ABCA1: variants seen among roughly 807,000 people sequenced by gnomAD.
The protein encoded by ABCA1 is phospholipid-transporting ATPase ABCA1.
A neutral mutation model predicts 262.5 loss-of-function variants in ABCA1; 133 were observed. That is an observed-to-expected ratio of 0.51 (90% CI 0.44 to 0.59). The LOEUF is 0.59. Among genes scored for constraint, ABCA1 ranks in the 20% least tolerant of loss-of-function variants. ABCA1 has a pLI of 0.00. For missense variants in ABCA1, 2,452 were observed against 2,777.5 expected, an observed-to-expected ratio of 0.88 and a Z score of 2.63; for synonymous variants, 1,022 against 1,043.5, an observed-to-expected ratio of 0.98 and a Z score of 0.40.
chr9:104,837,182 C>A (rs373155278), intron 10 of ABCA1, 86 bp from the exon 11 acceptor site: 3 of 1,188,806 alleles, frequency 2.5e-6, no homozygotes, highest in Non-Finnish European at 1.2e-6. Flanking sequence ...GAAAAGATAC[C>A]CCATCACAGC....
At chr9:104,828,737 T>C (rs1221375033) in intron 15 of ABCA1, among the ~76,000 whole-genome samples, 179 bp downstream of exon 15, 2 of 152,174 alleles carry the variant, frequency 1.3e-5, no homozygotes, top group Non-Finnish European at 2.9e-5. Context: ...CTTGGGCAAG[T>C]CACTGCCCCT....
rs941838350 is a variant in ABCA1, at chr9:104,828,131, T to C, written c.2115+785A>G. On this transcript the variant is annotated intron_variant, in intron 15 of 49. Coordinates refer to ENST00000374736, the MANE Select transcript of ABCA1 (RefSeq NM_005502.4). Reference sequence around the variant, plus strand: ...AAAACTGCACTGCCCAGAGTCCCCATTCAGGGAAGCCTTGTTGCCCAGCTG... The same window carrying C: ...AAAACTGCACTGCCCAGAGTCCCCACTCAGGGAAGCCTTGTTGCCCAGCTG... Among the ~76,000 whole-genome samples, 7 of 152,316 alleles carry C rather than the reference T, an allele frequency of 4.6e-5. No homozygotes were observed. In the East Asian group the frequency reaches 5.8e-4, roughly 13 times the overall value.
intron 19 of ABCA1, among the ~76,000 whole-genome samples, chr9:104,822,168 G>C (rs562899301): frequency 2.4e-4 from 37 of 152,292 alleles, no homozygotes; most frequent in African/African-American, 8.7e-4. Flanking sequence ...TCTGCTTAGA[G>C]ACAGAGTTCC....
chr9:104,819,976 A>T lies in ABCA1; in HGVS notation c.3054T>A (p.Asp1018Glu), dbSNP rs148278338. 9 of 1,614,072 alleles carry T rather than the reference A, an allele frequency of 5.6e-6. No individual in the cohort carries two copies. The highest frequency in any genetic ancestry group is 7.6e-6 in the Non-Finnish European group (9 of 1,180,024). Residue 1018 changes from aspartate to glutamate, a missense_variant, in exon 21 of 50, where the codon GAT becomes GAA. Asp to Glu is a conservative substitution (Grantham distance 45, BLOSUM62 2). Coordinates refer to ENST00000374736, the MANE Select transcript of ABCA1 (RefSeq NM_005502.4). ...TCAGCTTGCTTGATGGCAAACCAAC[A>T]TCCAGGGCCATCTGCTCCATCTCCG... is the stretch of plus-strand genomic sequence containing the variant. ...VKAEMEQMAL[D>E]VGLPSSKLKS...
chr9:104,803,400 T>G, intron 32 of ABCA1, 84 bp from the exon 33 acceptor site: 9 of 1,323,066 alleles, frequency 6.8e-6, no homozygotes, highest in South Asian at 1.2e-5. Flanking sequence ...AATATCCACC[T>G]GAGGATATAA....
Position 104,783,417 on chromosome 9 carries a change from G to C in ABCA1, c.*898C>G, listed in dbSNP as rs1056929833. On this transcript the variant is annotated 3_prime_UTR_variant, in exon 50 of 50. Transcript: ENST00000374736. ...TGTTAGCAGACAGTCAGGACAAATGGGCACAGGCTTCCCTAGGTTTGAACG... is the reference window on the plus strand; with the variant it reads ...TGTTAGCAGACAGTCAGGACAAATGCGCACAGGCTTCCCTAGGTTTGAACG... The C allele has an allele frequency of 6.6e-6, 1 of 152,170 alleles. No individual in the cohort carries two copies. Among genetic ancestry groups the C allele is most frequent in the Non-Finnish European group, 1.5e-5 (1 of 68,032 alleles). The allele number at this position is 152,170 out of a possible 1,614,324, so 9.4% of individuals were successfully genotyped here.
At chr9:104,841,887 A>G (rs979146225) in intron 8 of ABCA1, among the ~76,000 whole-genome samples, 4 of 152,256 alleles carry the variant, frequency 2.6e-5, no homozygotes, top group African/African-American at 9.6e-5. Flanking sequence ...ATATTTATAG[A>G]GTACTTTGTA....
At chr9:104,923,946 G>A (rs1842285070) in intron 1 of ABCA1, among the ~76,000 whole-genome samples, 1 of 152,238 alleles carries the variant, frequency 6.6e-6, no homozygotes, top group African/African-American at 2.4e-5. Context: ...AGAGGCTGAT[G>A]TATGAGGATC....
rs562770775 is a variant in ABCA1, at chr9:104,925,390, T to C, written c.-93+2545A>G. ...GACTGCATCTCAAAAAAAAAAAAAA[T>C]GTGCCCAGGGTCCATTATAGGCCTG... On this transcript the variant is annotated intron_variant, in intron 1 of 49. Transcript: ENST00000374736. Among the ~76,000 whole-genome samples the C allele has an allele frequency of 8.9e-5, 11 of 122,986 alleles. No individual in the cohort carries two copies. The East Asian group carries it at 2.5e-3, about 28-fold the overall frequency. 80.7% of individuals were successfully genotyped at this position (122,986 alleles called of 152,430 possible).
chr9:104,924,334 G>A (rs1289680910), intron 1 of ABCA1, among the ~76,000 whole-genome samples: 1 of 152,122 alleles, frequency 6.6e-6, no homozygotes, highest in Non-Finnish European at 1.5e-5. Flanking sequence ...TTGAGGCCAG[G>A]TGTGGTGGCT....
intron 2 of ABCA1, among the ~76,000 whole-genome samples, chr9:104,902,151 T>C (rs1370724587): frequency 3.3e-5 from 5 of 152,192 alleles, no homozygotes; most frequent in Admixed American, 3.3e-4. Flanking sequence ...TTAAGTTCTC[T>C]AAGAGGATTT....
intron 29 of ABCA1, 137 bp from the exon 30 acceptor site, chr9:104,809,701 C>T (rs1317544117): frequency 1.2e-6 from 1 of 821,254 alleles, no homozygotes. Context: ...GAACAAAACA[C>T]AGAAACCACC....
chr9:104,869,105 T>C (rs1837355890), intron 5 of ABCA1, among the ~76,000 whole-genome samples: 1 of 151,980 alleles, frequency 6.6e-6, no homozygotes, highest in Non-Finnish European at 1.5e-5. Flanking sequence ...TGAGCTGAGC[T>C]GAGCCAGACG....
intron 46 of ABCA1, among the ~76,000 whole-genome samples, chr9:104,787,648 T>C (rs1746248755): frequency 6.6e-6 from 1 of 152,192 alleles, no homozygotes; most frequent in African/African-American, 2.4e-5. Context: ...AGAAAGAATG[T>C]TCCAGAGAAA....
chr9:104,890,503 C>T (rs1449116434), intron 2 of ABCA1, among the ~76,000 whole-genome samples: 2 of 152,078 alleles, frequency 1.3e-5, no homozygotes, highest in Non-Finnish European at 2.9e-5. Context: ...ATCGCTTGAA[C>T]CCAGGAGGCA....
At chr9:104,913,502 G>A (rs1841623659) in intron 1 of ABCA1, among the ~76,000 whole-genome samples, 1 of 152,130 alleles carries the variant, frequency 6.6e-6, no homozygotes, top group Non-Finnish European at 1.5e-5. Flanking sequence ...ATTCATCAAG[G>A]GTGGGACACA....
At chr9:104,801,487 TG>T (rs1207427355) in intron 34 of ABCA1, among the ~76,000 whole-genome samples, 2 of 151,874 alleles carry the variant, frequency 1.3e-5, no homozygotes, top group Non-Finnish European at 2.9e-5. Flanking sequence ...CCCAAAATGC[TG>T]GGATAACAGG....
intron 5 of ABCA1, among the ~76,000 whole-genome samples, chr9:104,871,331 T>C (rs1293907895): frequency 6.6e-6 from 1 of 152,206 alleles, no homozygotes. Flanking sequence ...GAGAATTTTC[T>C]TCTAGCAGCA....
intron 21 of ABCA1, 101 bp downstream of exon 21, chr9:104,819,826 C>G: frequency 5.0e-6 from 8 of 1,609,768 alleles, no homozygotes; most frequent in Middle Eastern, 1.8e-4. Flanking sequence ...TGTTACCAAC[C>G]GCACCCAGCC....
Sources: allele counts gnomAD v4.1 joint callset (sites outside exome capture counted in the v4.1 genomes callset), GRCh38; gene constraint gnomAD v4.1.1; transcripts MANE v1.5; gene names NCBI Gene and HGNC (gene_info 2026-07-23, HGNC 2026-07-21).